MRTFA: variants seen among roughly 807,000 people sequenced by gnomAD.
MRTFA encodes myocardin-related transcription factor A.
Under a neutral mutation model 83.5 loss-of-function variants are expected in MRTFA, and 20 were observed. That is an observed-to-expected ratio of 0.24 (90% confidence interval 0.17 to 0.35). The LOEUF (loss-of-function observed/expected upper bound fraction) is 0.35. Ranked by LOEUF, MRTFA falls within the 10% of genes least tolerant of loss-of-function variation. The pLI is 1.00. For missense variants in MRTFA, 1,200 were observed against 1,224.7 expected (o/e 0.98, Z 0.30); for synonymous variants, 659 against 541.2 (o/e 1.22, Z -3.02).
intron 4 of MRTFA, among the ~76,000 whole-genome samples, chr22:40,456,179 A>G (rs1307373718): frequency 6.6e-6 from 1 of 152,146 alleles, no homozygotes; most frequent in Non-Finnish European, 1.5e-5. Context: ...AACACTGAAG[A>G]TTTAGGAAGT....
At chr22:40,599,290 C>G (rs756351956) in intron 1 of MRTFA, among the ~76,000 whole-genome samples, 8 of 152,094 alleles carry the variant, frequency 5.3e-5, no homozygotes, top group Non-Finnish European at 1.0e-4. Flanking sequence ...AAGAACGAAA[C>G]TCCGTCTCAA....
chr22:40,500,340 TTTTTTTTA>T (rs1015338646), intron 3 of MRTFA, among the ~76,000 whole-genome samples: 51 of 25,466 alleles, frequency 2.0e-3, no homozygotes, highest in East Asian at 9.3e-3. Context: ...ACAGTTTTTA[TTTTTTTTA>T]TTTTTTTTTT....
At chr22:40,604,247 C>T (rs1180563202) in intron 1 of MRTFA, among the ~76,000 whole-genome samples, 1 of 151,758 alleles carries the variant, frequency 6.6e-6, no homozygotes, top group African/African-American at 2.4e-5. Flanking sequence ...TCTCCTGCCT[C>T]AGCCTCCTGA....
At chr22:40,628,462 A>G (rs1475922300) in intron 1 of MRTFA, among the ~76,000 whole-genome samples, 1 of 152,202 alleles carries the variant, frequency 6.6e-6, no homozygotes, top group Non-Finnish European at 1.5e-5. Context: ...ATTTTAGAGG[A>G]CAAAGACCTG....
At chr22:40,504,046 GTAAA>G (rs1419793241) in intron 3 of MRTFA, among the ~76,000 whole-genome samples, 15 of 152,224 alleles carry the variant, frequency 9.9e-5, no homozygotes, top group African/African-American at 3.1e-4. Flanking sequence ...AATGTAAATG[GTAAA>G]TAAAGTTCAA....
chr22:40,423,421 T>A, intron 9 of MRTFA, 115 bp downstream of exon 9: 1 of 973,988 alleles, frequency 1.0e-6, no homozygotes, highest in Non-Finnish European at 1.4e-6. Context: ...CCCAGACCAA[T>A]GGGAGAAGAC....
intron 2 of MRTFA, among the ~76,000 whole-genome samples, chr22:40,558,182 C>T (rs1319300847): frequency 6.7e-6 from 1 of 148,932 alleles, no homozygotes; most frequent in Admixed American, 6.7e-5. Context: ...AATTCCTGGA[C>T]TCAAGTGATC....
At chr22:40,589,181 G>C (rs2056078839) in intron 2 of MRTFA, among the ~76,000 whole-genome samples, 1 of 152,112 alleles carries the variant, frequency 6.6e-6, no homozygotes, top group Admixed American at 6.5e-5. Flanking sequence ...GATTGTGACA[G>C]AGACAATTAC....
At chr22:40,632,875 C>G (rs1162401813) in intron 1 of MRTFA, among the ~76,000 whole-genome samples, 2 of 152,204 alleles carry the variant, frequency 1.3e-5, no homozygotes, top group Non-Finnish European at 2.9e-5. Flanking sequence ...CACAGGAAGA[C>G]AGTTAACACA....
chr22:40,544,052 G>A (rs928779038), intron 3 of MRTFA, among the ~76,000 whole-genome samples: 5 of 152,052 alleles, frequency 3.3e-5, no homozygotes, highest in Middle Eastern at 3.2e-3. Flanking sequence ...TATGAAAGAC[G>A]TAGCTCTGTT....
chr22:40,558,794 TG>T (rs1375763440), intron 2 of MRTFA, among the ~76,000 whole-genome samples: 1 of 135,818 alleles, frequency 7.4e-6, no homozygotes, highest in South Asian at 2.2e-4. Flanking sequence ...GGGGGTTTTT[TG>T]GGTTTTTTTT....
Position 40,437,708 on chromosome 22 carries a change from C to T in MRTFA, c.308-2154G>A, listed in dbSNP as rs527946785. Among the ~76,000 whole-genome samples the T allele has an allele frequency of 4.7e-5, 7 of 150,342 alleles. No homozygotes were observed. The East Asian group carries it at 5.9e-4, about 13-fold the overall frequency. On this transcript the variant is annotated intron_variant, in intron 4 of 14. Transcript: ENST00000355630. ...AACTCAGGAGGCAGAGGTTGCAGTG[C>T]GCCAAGATAGTGCCACTGCACTCCA...
intron 3 of MRTFA, among the ~76,000 whole-genome samples, chr22:40,487,385 G>A (rs1248790178): frequency 6.6e-6 from 1 of 152,182 alleles, no homozygotes. Flanking sequence ...CTATGAGCCA[G>A]AACTGGAGTC....
In MRTFA at chr22:40,421,105, G is replaced by C. The variant is rs1376435443; in HGVS notation, c.928-5C>G. The C allele has an allele frequency of 2.6e-6, 4 of 1,521,134 alleles. No homozygotes were observed. Among genetic ancestry groups the C allele is most frequent in the Non-Finnish European group, 3.5e-6 (4 of 1,133,456 alleles). The allele number at this position is 1,521,134 out of a possible 1,614,324, so 94.2% of individuals were successfully genotyped here. A position where few individuals can be genotyped will look rare whatever the true frequency, so the allele number is the denominator to read the frequency against. The stretch of plus-strand genomic sequence containing the variant: ...GGCAGACTTGGGTTGGCTTTGCTGA[G>C]GGCACAGGAGACAGGGTGCCATTCA... On this transcript the variant is annotated splice_polypyrimidine_tract_variant and splice_region_variant and intron_variant, in intron 9 of 14. Coordinates refer to ENST00000355630, the MANE Select transcript of MRTFA (RefSeq NM_020831.6).
intron 2 of MRTFA, among the ~76,000 whole-genome samples, chr22:40,580,787 G>A (rs188296915): frequency 6.6e-5 from 10 of 152,158 alleles, no homozygotes; most frequent in Non-Finnish European, 2.9e-5. Flanking sequence ...TGACTGATGT[G>A]TTTGTTTAAA....
intron 6 of MRTFA, among the ~76,000 whole-genome samples, chr22:40,430,858 C>CAA (rs1354329128): frequency 2.3e-5 from 1 of 43,410 alleles, no homozygotes; most frequent in Non-Finnish European, 4.1e-5. Context: ...AAGACTCCAT[C>CAA]ACAAAAAAAA....
At chr22:40,448,414 CTG>C (rs1569270694) in intron 4 of MRTFA, among the ~76,000 whole-genome samples, 3 of 152,160 alleles carry the variant, frequency 2.0e-5, no homozygotes, top group Non-Finnish European at 4.4e-5. Context: ...GCAAAGGTTG[CTG>C]TGAGCCAAGA....
At chr22:40,469,471 G>A (rs1442153179) in intron 3 of MRTFA, among the ~76,000 whole-genome samples, 1 of 152,146 alleles carries the variant, frequency 6.6e-6, no homozygotes, top group Non-Finnish European at 1.5e-5. Flanking sequence ...AGCAGACGCT[G>A]GTGCAATGCT....
chr22:40,536,030 A>C (rs548056122), intron 3 of MRTFA, among the ~76,000 whole-genome samples: 2 of 152,316 alleles, frequency 1.3e-5, no homozygotes, highest in South Asian at 4.1e-4. Flanking sequence ...TTAAAAAATT[A>C]AACAAGAAGC....
Sources: allele counts gnomAD v4.1 joint callset (sites outside exome capture counted in the v4.1 genomes callset), GRCh38; gene constraint gnomAD v4.1.1; transcripts MANE v1.5; gene names NCBI Gene and HGNC (gene_info 2026-07-23, HGNC 2026-07-21).